Variants in SORCS1 observed in about 807,000 individuals in gnomAD.
The protein encoded by SORCS1 is sortilin related VPS10 domain containing receptor 1.
A neutral mutation model predicts 146.1 loss-of-function variants in SORCS1; 60 were observed. The observed-to-expected ratio is 0.41, with a 90% confidence interval of 0.33 to 0.51. The LOEUF (loss-of-function observed/expected upper bound fraction) is 0.51. SORCS1 is among the 20% of genes least tolerant of loss of function. The pLI is 0.21. For missense variants in SORCS1, 1,352 were observed against 1,487.6 expected, an observed-to-expected ratio of 0.91 and a Z score of 1.50; for synonymous variants, 637 against 584.0, an observed-to-expected ratio of 1.09 and a Z score of -1.31.
chr10:106,727,402 G>A (rs907207838), intron 6 of SORCS1, among the ~76,000 whole-genome samples: 2 of 152,196 alleles, frequency 1.3e-5, no homozygotes, highest in Admixed American at 1.3e-4. Context: ...GAGTAAAGTT[G>A]CTATTCACAG....
chr10:107,106,365 G>T (rs1378026370), intron 1 of SORCS1, among the ~76,000 whole-genome samples: 3 of 152,108 alleles, frequency 2.0e-5, no homozygotes, highest in African/African-American at 7.2e-5. Context: ...CATATCACAA[G>T]CTCAGTAAAT....
intron 3 of SORCS1, among the ~76,000 whole-genome samples, chr10:106,797,333 T>G (rs1052943918): frequency 1.3e-5 from 2 of 152,140 alleles, no homozygotes; most frequent in African/African-American, 4.8e-5. Context: ...ATATACAATT[T>G]TTTTTTTCAA....
At chr10:106,878,778 G>T (rs749353186) in intron 2 of SORCS1, among the ~76,000 whole-genome samples, 1 of 150,404 alleles carries the variant, frequency 6.6e-6, no homozygotes, top group African/African-American at 2.4e-5. Context: ...AAATTTCTAG[G>T]TTTTTTGCAT....
chr10:106,926,556 G>A (rs896517048), intron 2 of SORCS1, among the ~76,000 whole-genome samples: 2 of 152,070 alleles, frequency 1.3e-5, no homozygotes, highest in African/African-American at 4.8e-5. Flanking sequence ...CTATTATTAG[G>A]TTGAGGCTCA....
At chr10:107,031,199 C>CAATCTCCTTTTTTCTAAT (rs1958636240) in intron 1 of SORCS1, among the ~76,000 whole-genome samples, 1 of 152,096 alleles carries the variant, frequency 6.6e-6, no homozygotes, top group African/African-American at 2.4e-5. Flanking sequence ...TTTTTTCTAA[C>CAATCTCCTTTTTTCTAAT]CCCTGGACCA....
chr10:106,721,895 A>G (rs1855805425), intron 6 of SORCS1, among the ~76,000 whole-genome samples: 1 of 152,210 alleles, frequency 6.6e-6, no homozygotes, highest in Non-Finnish European at 1.5e-5. Flanking sequence ...TACTAAATAT[A>G]GTTGACTTTA....
intron 1 of SORCS1, among the ~76,000 whole-genome samples, chr10:106,976,546 T>C (rs1385281618): frequency 6.6e-6 from 1 of 152,070 alleles, no homozygotes; most frequent in Non-Finnish European, 1.5e-5. Flanking sequence ...TTAGCTAGGA[T>C]GGTCTCGATC....
intron 5 of SORCS1, among the ~76,000 whole-genome samples, chr10:106,732,319 C>A (rs1285630940): frequency 2.6e-5 from 4 of 152,180 alleles, no homozygotes; most frequent in Non-Finnish European, 4.4e-5. Flanking sequence ...CAGAAAGTGA[C>A]CCTTTCATCA....
intron 18 of SORCS1, 59 bp from the exon 19 acceptor site, chr10:106,629,447 G>A: frequency 3.2e-6 from 5 of 1,564,220 alleles, no homozygotes; most frequent in East Asian, 2.3e-5. Context: ...CCTGCCTAGG[G>A]GACTGGGGAC....
intron 1 of SORCS1, among the ~76,000 whole-genome samples, chr10:107,080,414 C>T (rs1421244285): frequency 6.6e-6 from 1 of 152,156 alleles, no homozygotes; most frequent in Non-Finnish European, 1.5e-5. Context: ...TGAACACTAA[C>T]AATACTTTGA....
At chr10:106,850,022 T>G (rs1323983348) in intron 2 of SORCS1, among the ~76,000 whole-genome samples, 3 of 152,104 alleles carry the variant, frequency 2.0e-5, no homozygotes, top group Non-Finnish European at 2.9e-5. Context: ...GTCTGCAGAG[T>G]TTACTGCTGT....
intron 24 of SORCS1, among the ~76,000 whole-genome samples, chr10:106,582,941 T>C (rs1272592693): frequency 6.6e-6 from 1 of 152,232 alleles, no homozygotes; most frequent in African/African-American, 2.4e-5. Context: ...TAAATGGTTA[T>C]AGTTGTATGT....
At chr10:106,714,007 C>G (rs1396657822) in intron 6 of SORCS1, among the ~76,000 whole-genome samples, 1 of 151,732 alleles carries the variant, frequency 6.6e-6, no homozygotes, top group African/African-American at 2.4e-5. Flanking sequence ...TGGCACGTGC[C>G]TGTAATCCCA....
At chr10:106,937,849 C>T (rs1022071680) in intron 2 of SORCS1, among the ~76,000 whole-genome samples, 2 of 151,460 alleles carry the variant, frequency 1.3e-5, no homozygotes, top group Non-Finnish European at 2.9e-5. Flanking sequence ...CTGTAATCCC[C>T]ACTACTTGGG....
At chr10:106,761,554 A>T (rs373558831) in intron 5 of SORCS1, 34 bp downstream of exon 5, 55 of 1,586,850 alleles carry the variant, frequency 3.5e-5, no homozygotes, top group Non-Finnish European at 4.8e-5. Context: ...ACTAGGTCAT[A>T]TCTTAATGTG....
intron 2 of SORCS1, among the ~76,000 whole-genome samples, chr10:106,944,888 T>G (rs1320878198): frequency 4.8e-5 from 6 of 124,124 alleles, no homozygotes; most frequent in African/African-American, 1.7e-4. Flanking sequence ...TTTTTTTTTT[T>G]TTTTTTTTTT....
intron 5 of SORCS1, among the ~76,000 whole-genome samples, chr10:106,760,572 G>T (rs1859017423): frequency 6.6e-6 from 1 of 151,814 alleles, no homozygotes; most frequent in South Asian, 2.1e-4. Context: ...AAATCTGCCG[G>T]CACATTGATC....
At chr10:107,147,652 T>C (rs895818728) in intron 1 of SORCS1, among the ~76,000 whole-genome samples, 7 of 152,200 alleles carry the variant, frequency 4.6e-5, no homozygotes, top group African/African-American at 1.7e-4. Flanking sequence ...ACTTTCTTTA[T>C]GGTATATCAA....
chr10:107,168,397 C>A (rs1041769402), upstream of SORCS1, among the ~76,000 whole-genome samples: 1 of 152,160 alleles, frequency 6.6e-6, no homozygotes. Context: ...TTACTTAAAC[C>A]TGTTTTTTGT....
Sources: allele counts gnomAD v4.1 joint callset (sites outside exome capture counted in the v4.1 genomes callset), GRCh38; gene constraint gnomAD v4.1.1; transcripts MANE v1.5; gene names NCBI Gene and HGNC (gene_info 2026-07-23, HGNC 2026-07-21).